The following DNAH8 variants were observed in gnomAD, a reference collection of about 807,000 sequenced individuals.
The protein encoded by DNAH8 is dynein axonemal heavy chain 8, also known as axonemal beta dynein heavy chain 8.
DNAH8 carries 382 observed loss-of-function variants against 562.1 expected under a neutral mutation model. The ratio of observed to expected loss-of-function variants is 0.68; its 90% confidence interval spans 0.63 to 0.74. The LOEUF is 0.74. DNAH8 is among the 30% of genes least tolerant of loss of function. DNAH8 has a pLI of 0.00. For missense variants in DNAH8, 5,203 were observed against 5,620.4 expected, an observed-to-expected ratio of 0.93 and a Z score of 2.37; for synonymous variants, 1,881 against 1,919.4, an observed-to-expected ratio of 0.98 and a Z score of 0.52.
In DNAH8 at chr6:38,924,037, G is replaced by A. The variant is rs1350933024; in HGVS notation, c.10837G>A (p.Gly3613Ser). Residue 3613 changes from glycine (G) to serine (S), a missense_variant, in exon 73 of 93, where the codon GGT (glycine) becomes AGT (serine). This residue lies in a region of DNAH8 where 1,399 missense variants were observed against 1,518.4 expected (regional missense o/e 0.92). Coordinates refer to ENST00000327475, the MANE Select transcript of DNAH8 (RefSeq NM_001206927.2). ...LLCTGFLSYLGPFNQIFRNYL... is the reference protein window; with the variant it reads ...LLCTGFLSYLSPFNQIFRNYL... ...GTGCACGGGATTCCTTTCCTACCTT[G>A]GTCCTTTCAATCAGATATTTAGGAA... 1.9e-6 allele frequency: 3 copies of A among 1,613,770 alleles called. No homozygotes were observed. The highest frequency in any genetic ancestry group is 1.3e-5 in the African/African-American group (1 of 74,846).
intron 25 of DNAH8, among the ~76,000 whole-genome samples, chr6:38,814,627 T>C (rs2150318956): frequency 6.6e-6 from 1 of 152,198 alleles, no homozygotes; most frequent in African/African-American, 2.4e-5. Flanking sequence ...ATTGAAGGAC[T>C]CGTGAAAGAA....
chr6:38,799,196 A>C (rs1394200119), intron 21 of DNAH8, among the ~76,000 whole-genome samples: 1 of 152,174 alleles, frequency 6.6e-6, no homozygotes, highest in Non-Finnish European at 1.5e-5. Context: ...TAATTTCCAC[A>C]ATCAGAGCTC....
chr6:38,923,643 T>G (rs77109846), intron 72 of DNAH8: 23,486 of 204,514 alleles, frequency 0.11, 1,667 homozygotes, highest in South Asian at 0.24. Context: ...AATAAAAAAA[T>G]AAAAAGGGAG....
intron 3 of DNAH8, among the ~76,000 whole-genome samples, chr6:38,725,701 C>T (rs1301209133): frequency 2.0e-5 from 3 of 152,164 alleles, no homozygotes; most frequent in African/African-American, 7.2e-5. Flanking sequence ...GATATATTGG[C>T]TGTGTAGTTA....
intron 89 of DNAH8, among the ~76,000 whole-genome samples, chr6:39,011,770 G>A (rs546085673): frequency 6.6e-6 from 1 of 152,148 alleles, no homozygotes; most frequent in Non-Finnish European, 1.5e-5. Flanking sequence ...AATCATATTT[G>A]TTGGTAACTG....
intron 82 of DNAH8, among the ~76,000 whole-genome samples, chr6:38,967,536 TA>T (rs1763055776): frequency 1.3e-5 from 2 of 152,124 alleles, no homozygotes; most frequent in African/African-American, 2.4e-5. Flanking sequence ...TCCTTTACAA[TA>T]TTATTAAAAA....
chr6:38,766,135 T>TTGTGTGTGTGTGTGTGTG (rs774448668), intron 11 of DNAH8, among the ~76,000 whole-genome samples: 3,082 of 128,956 alleles, frequency 0.024, 47 homozygotes, highest in Admixed American at 0.039. Flanking sequence ...ATGTATGTGT[T>TTGTGTGTGTGTGTGTGTG]TGTATGTGTG....
chr6:38,762,449 T>A (rs568922034), intron 11 of DNAH8, among the ~76,000 whole-genome samples: 1 of 152,318 alleles, frequency 6.6e-6, no homozygotes, highest in Non-Finnish European at 1.5e-5. Context: ...ATTATCTTTT[T>A]AAAAAACACT....
intron 82 of DNAH8, among the ~76,000 whole-genome samples, chr6:38,959,717 G>T (rs1762484462): frequency 6.6e-6 from 1 of 151,936 alleles, no homozygotes; most frequent in Admixed American, 6.6e-5. Context: ...AGATTCACAT[G>T]CAATCTTTAT....
chr6:39,010,079 C>T (rs879281323), intron 89 of DNAH8, among the ~76,000 whole-genome samples: 3 of 152,162 alleles, frequency 2.0e-5, no homozygotes, highest in Admixed American at 1.3e-4. Context: ...TGTGATAATT[C>T]GAGCTGTCCA....
chr6:38,741,644 G>T, intron 7 of DNAH8, 67 bp from the exon 8 acceptor site: 2 of 1,355,600 alleles, frequency 1.5e-6, no homozygotes, highest in Non-Finnish European at 1.0e-6. Context: ...CCTTCAAAAA[G>T]ATGCAATCAG....
intron 29 of DNAH8, among the ~76,000 whole-genome samples, chr6:38,827,636 A>G (rs1346556817): frequency 7.1e-6 from 1 of 141,414 alleles, no homozygotes; most frequent in African/African-American, 2.6e-5. Flanking sequence ...AAATCGTGGT[A>G]TTTGGGGATT....
intron 91 of DNAH8, among the ~76,000 whole-genome samples, chr6:39,023,131 A>G (rs1054500468): frequency 3.9e-5 from 6 of 152,226 alleles, no homozygotes; most frequent in African/African-American, 1.4e-4. Flanking sequence ...TTGGAGTTAA[A>G]CATATGAACA....
intron 12 of DNAH8, among the ~76,000 whole-genome samples, chr6:38,773,768 G>T (rs1767802443): frequency 1.3e-5 from 2 of 152,184 alleles, no homozygotes; most frequent in South Asian, 4.1e-4. Flanking sequence ...GCCCAGGTGG[G>T]CTTCCTCTGA....
chr6:38,875,080 C>T (rs1471759039), intron 52 of DNAH8, among the ~76,000 whole-genome samples: 1 of 152,146 alleles, frequency 6.6e-6, no homozygotes, highest in Non-Finnish European at 1.5e-5. Flanking sequence ...TGTTGTAGCA[C>T]AAAAGCAGCT....
At chr6:38,845,411 GT>G (rs554002268) in intron 35 of DNAH8, among the ~76,000 whole-genome samples, 162 bp from the exon 36 acceptor site, 89 of 152,266 alleles carry the variant, frequency 5.8e-4, no homozygotes, top group African/African-American at 1.9e-3. Flanking sequence ...CTAGTGTCAA[GT>G]TGCAACACAA....
intron 85 of DNAH8, among the ~76,000 whole-genome samples, chr6:38,977,074 T>C (rs1361562360): frequency 6.6e-6 from 1 of 152,206 alleles, no homozygotes; most frequent in African/African-American, 2.4e-5. Flanking sequence ...TGGATTCTAC[T>C]TCAGTTGCAG....
chr6:38,762,505 A>G (rs886636831), intron 11 of DNAH8, among the ~76,000 whole-genome samples: 8 of 152,210 alleles, frequency 5.3e-5, no homozygotes, highest in African/African-American at 1.9e-4. Flanking sequence ...TGGAAGCTGT[A>G]TTGGTGAGAG....
intron 60 of DNAH8, 77 bp from the exon 61 acceptor site, chr6:38,898,181 G>T: frequency 4.7e-6 from 6 of 1,279,310 alleles, no homozygotes; most frequent in Non-Finnish European, 6.4e-6. Context: ...AATTACTTTT[G>T]AGTGTCTTTA....
Sources: allele counts gnomAD v4.1 joint callset (sites outside exome capture counted in the v4.1 genomes callset), GRCh38; gene constraint gnomAD v4.1.1; regional missense constraint gnomAD v4.1.1; transcripts MANE v1.5; gene names NCBI Gene and HGNC (gene_info 2026-07-23, HGNC 2026-07-21).